The following HS3ST3B1 variants were observed in gnomAD, a reference collection of about 807,000 sequenced individuals.
HS3ST3B1 encodes the protein heparan sulfate-glucosamine 3-sulfotransferase 3B1.
Under a neutral mutation model 21.3 loss-of-function variants are expected in HS3ST3B1, and 13 were observed. The observed-to-expected ratio is 0.61, with a 90% confidence interval of 0.40 to 0.97. The LOEUF is 0.97. HS3ST3B1 is among the 50% of genes least tolerant of loss of function. The probability of loss-of-function intolerance (pLI) is 0.00; values close to 1 mark genes in which losing one functional copy is unlikely to be tolerated. For synonymous variants in HS3ST3B1, 234 were observed against 254.8 expected (o/e 0.92, Z 0.78); for missense variants, 459 against 554.8 (o/e 0.83, Z 1.73).
At chr17:14,315,577 C>T (rs1909471371) in intron 1 of HS3ST3B1, among the ~76,000 whole-genome samples, 1 of 152,226 alleles carries the variant, frequency 6.6e-6, no homozygotes, top group South Asian at 2.1e-4. Flanking sequence ...AATCCCAGCA[C>T]TTTGGGAGGC....
intron 1 of HS3ST3B1, among the ~76,000 whole-genome samples, chr17:14,310,153 G>C (rs1167072707): frequency 6.6e-6 from 1 of 152,144 alleles, no homozygotes; most frequent in Non-Finnish European, 1.5e-5. Flanking sequence ...GGAAGGACTG[G>C]GATGGAGAGG....
intron 1 of HS3ST3B1, among the ~76,000 whole-genome samples, chr17:14,329,806 A>G (rs972367742): frequency 6.6e-6 from 1 of 152,234 alleles, no homozygotes; most frequent in Non-Finnish European, 1.5e-5. Context: ...TTGAACCTTT[A>G]AATTTAAAAA....
intron 1 of HS3ST3B1, among the ~76,000 whole-genome samples, chr17:14,334,661 A>G (rs1910136204): frequency 6.6e-6 from 1 of 152,212 alleles, no homozygotes; most frequent in Admixed American, 6.5e-5. Context: ...ACTGGGGTTC[A>G]CTGGTGGTGT....
chr17:14,304,447 A>T (rs975733808), intron 1 of HS3ST3B1: 6 of 152,242 alleles, frequency 3.9e-5, no homozygotes, highest in African/African-American at 9.6e-5. Flanking sequence ...TGTTTACTTT[A>T]AAAATGTTGA....
At position 14,303,378 on chromosome 17, in the gene HS3ST3B1, G is replaced by T. The variant is rs1027627778; in HGVS notation, c.554+1306G>T. Among the ~76,000 whole-genome samples the T allele has an allele frequency of 2.6e-5, 4 of 152,174 alleles. No individual in the cohort carries two copies. The highest frequency in any genetic ancestry group is 9.6e-5 in the African/African-American group (4 of 41,452). On this transcript the variant is annotated intron_variant, in intron 1 of 1. Coordinates refer to ENST00000360954, the MANE Select transcript of HS3ST3B1 (RefSeq NM_006041.3). This position sits in a 1 kb window ranked among gnomAD's most constrained non-coding sequence, Gnocchi z 5.7. ...AGGGCTGACCCCGCGGATTAAAACG[G>T]CTCCCTTCCCAGCCTCGTCCTACCC...
At chr17:14,330,969 T>C (rs1909992674) in intron 1 of HS3ST3B1, among the ~76,000 whole-genome samples, 1 of 152,124 alleles carries the variant, frequency 6.6e-6, no homozygotes, top group Admixed American at 6.5e-5. Flanking sequence ...AGAGCAGAAC[T>C]ACTTCAACTG....
At chr17:14,326,538 T>A (rs1252823561) in intron 1 of HS3ST3B1, among the ~76,000 whole-genome samples, 1 of 152,210 alleles carries the variant, frequency 6.6e-6, no homozygotes, top group Non-Finnish European at 1.5e-5. Flanking sequence ...CCAGGCTAAG[T>A]GGCCCAATGG....
In HS3ST3B1 at chr17:14,329,367, A is replaced by AAGAAAGAAAGAAAAGGAAGG. The variant is rs1555549453; in HGVS notation, c.555-15660_555-15659insGAAAGAAAGAAAAGGAAGGA. ...AAAGAAAGAAAGAAAGAAAGAAAGA[A>AAGAAAGAAAGAAAAGGAAGG]AAGGAAGGAAGGAAGGAAGGAAGGA... is the stretch of plus-strand genomic sequence containing the variant. On this transcript the variant is annotated intron_variant, in intron 1 of 1. Coordinates refer to ENST00000360954, the MANE Select transcript of HS3ST3B1 (RefSeq NM_006041.3). The AAGAAAGAAAGAAAAGGAAGG allele has an allele frequency of 1.8e-3, 190 of 106,172 alleles. 1 individual carries two copies. Among genetic ancestry groups the AAGAAAGAAAGAAAAGGAAGG allele is most frequent in the African/African-American group, 5.9e-3 (160 of 27,066 alleles). 6.6% of individuals were successfully genotyped at this position (106,172 alleles called of 1,614,324 possible).
At chr17:14,319,879 C>T (rs1253503850) in intron 1 of HS3ST3B1, among the ~76,000 whole-genome samples, 1 of 151,884 alleles carries the variant, frequency 6.6e-6, no homozygotes, top group African/African-American at 2.4e-5. Context: ...CACCCATCAC[C>T]CAAGCAATGT....
At chr17:14,342,657 G>C (rs993327553) in intron 1 of HS3ST3B1, among the ~76,000 whole-genome samples, 1 of 152,096 alleles carries the variant, frequency 6.6e-6, no homozygotes, top group African/African-American at 2.4e-5. Context: ...AAACTTCCAT[G>C]AATACGTATT....
intron 1 of HS3ST3B1, among the ~76,000 whole-genome samples, chr17:14,325,718 C>T (rs975260923): frequency 6.6e-5 from 10 of 152,130 alleles, no homozygotes; most frequent in African/African-American, 1.9e-4. Context: ...TTAGTAGGCT[C>T]GCGGAGTTTA....
At chr17:14,326,772 C>A (rs1909830821) in intron 1 of HS3ST3B1, among the ~76,000 whole-genome samples, 1 of 151,690 alleles carries the variant, frequency 6.6e-6, no homozygotes, top group South Asian at 2.1e-4. Flanking sequence ...TACAAAAAAA[C>A]TAGCTGGACG....
Position 14,348,890 on chromosome 17 carries a change from A to G in HS3ST3B1, c.*3244A>G, listed in dbSNP as rs1042509380. Reference sequence around the variant, plus strand: ...TTTAAGTATAGTGACTGTTTAATAAATACTTAATTGGATGATGGAGGAGGA... The same window carrying G: ...TTTAAGTATAGTGACTGTTTAATAAGTACTTAATTGGATGATGGAGGAGGA... On this transcript the variant is annotated 3_prime_UTR_variant, in exon 2 of 2. Coordinates refer to ENST00000360954, the MANE Select transcript of HS3ST3B1 (RefSeq NM_006041.3). 6.6e-6 allele frequency: 1 copy of G among 152,194 alleles called. No homozygotes were observed. The highest frequency in any genetic ancestry group is 2.4e-5 in the African/African-American group (1 of 41,450). The allele number at this position is 152,194 out of a possible 1,614,324, so 9.4% of individuals were successfully genotyped here.
At chr17:14,307,609 T>A (rs1909177610) in intron 1 of HS3ST3B1, among the ~76,000 whole-genome samples, 2 of 152,150 alleles carry the variant, frequency 1.3e-5, no homozygotes, top group South Asian at 4.1e-4. Flanking sequence ...AACTCACCAG[T>A]CAGCTAGTTT....
At chr17:14,329,367 A>AAGAAAGAAAGAAAGAAAGAAAGAAAAGG (rs1555549453) in intron 1 of HS3ST3B1, 2 of 106,192 alleles carry the variant, frequency 1.9e-5, no homozygotes, top group Non-Finnish European at 1.9e-5. Flanking sequence ...GAAAGAAAGA[A>AAGAAAGAAAGAAAGAAAGAAAGAAAAGG]AAGGAAGGAA....
chr17:14,313,879 A>G (rs1216413671), intron 1 of HS3ST3B1, among the ~76,000 whole-genome samples: 2 of 151,110 alleles, frequency 1.3e-5, no homozygotes, highest in Non-Finnish European at 1.5e-5. Flanking sequence ...CCCCTCCATC[A>G]TTTCTAAGGA....
At position 14,301,727 on chromosome 17, in the gene HS3ST3B1, C is replaced by T; in HGVS notation, c.209C>T (p.Ala70Val). The change falls in exon 1 of 2, where the codon GCC becomes GTC. Residue 70 changes from alanine (A) to valine (V), a missense_variant. By Grantham distance (64) the Ala-to-Val change is moderately conservative. Transcript: ENST00000360954. ...CTGCTCCTGGGCTCTGGGTCCCGCG[C>T]CGCACACGACCCGCCAGCCCTGGCC... ...GLLLLGSGSR[A>V]AHDPPALATA... 7 of 1,600,306 alleles carry T rather than the reference C, an allele frequency of 4.4e-6. No homozygotes were observed. Among genetic ancestry groups the T allele is most frequent in the Non-Finnish European group, 6.0e-6 (7 of 1,175,372 alleles).
At chr17:14,339,924 G>A (rs554881176) in intron 1 of HS3ST3B1, among the ~76,000 whole-genome samples, 3 of 152,310 alleles carry the variant, frequency 2.0e-5, no homozygotes, top group Non-Finnish European at 4.4e-5. Context: ...GGGCAGGAAA[G>A]TGTGCCCAGA....
At chr17:14,329,968 C>T (rs144027374) in intron 1 of HS3ST3B1, among the ~76,000 whole-genome samples, 20 of 152,360 alleles carry the variant, frequency 1.3e-4, no homozygotes, top group African/African-American at 4.3e-4. Context: ...CTACAAACTA[C>T]ACTGGATTCT....
Sources: allele counts gnomAD v4.1 joint callset (sites outside exome capture counted in the v4.1 genomes callset), GRCh38; gene constraint gnomAD v4.1.1; non-coding constraint Gnocchi (gnomAD v3.1); transcripts MANE v1.5; gene names NCBI Gene and HGNC (gene_info 2026-07-23, HGNC 2026-07-21).